Variants in TMEM244 observed in about 807,000 individuals in gnomAD.
The protein encoded by TMEM244 is transmembrane protein 244.
Under a neutral mutation model 15.8 loss-of-function variants are expected in TMEM244, and 13 were observed. That is an observed-to-expected ratio of 0.82 (90% CI 0.53 to 1.30). The LOEUF is 1.30. Among genes scored for constraint, TMEM244 ranks in the 50% most tolerant of loss-of-function variants. TMEM244 has a pLI of 0.00. For synonymous variants in TMEM244, 45 were observed against 48.7 expected (o/e 0.92, Z 0.32); for missense variants, 161 against 144.9 (o/e 1.11, Z -0.57).
intron 1 of TMEM244, among the ~76,000 whole-genome samples, chr6:129,852,299 A>G (rs1472512326): frequency 2.6e-5 from 4 of 152,110 alleles, no homozygotes; most frequent in Non-Finnish European, 5.9e-5. Context: ...TGATTAATAC[A>G]ATTTTGAGGA....
chr6:129,851,949 T>C (rs1301489567), intron 1 of TMEM244, among the ~76,000 whole-genome samples: 1 of 152,228 alleles, frequency 6.6e-6, no homozygotes, highest in East Asian at 1.9e-4. Flanking sequence ...TGACTGGATA[T>C]TTAATAATGT....
chr6:129,856,384 A>G (rs779659975), intron 1 of TMEM244, among the ~76,000 whole-genome samples: 6 of 152,176 alleles, frequency 3.9e-5, no homozygotes, highest in Non-Finnish European at 7.4e-5. Context: ...TGTTTTAATT[A>G]TAGAAGCTTT....
intron 2 of TMEM244, among the ~76,000 whole-genome samples, chr6:129,844,257 G>A (rs1776532437): frequency 6.6e-6 from 1 of 152,152 alleles, no homozygotes; most frequent in Non-Finnish European, 1.5e-5. Flanking sequence ...GTCCAATTAA[G>A]TTCCACTTTG....
At chr6:129,843,494 C>G in intron 3 of TMEM244, 36 bp downstream of exon 3, 1 of 1,447,450 alleles carries the variant, frequency 6.9e-7, no homozygotes, top group Non-Finnish European at 9.6e-7. Context: ...GCATTTAGTT[C>G]ACTAATTGAT....
Position 129,831,273 on chromosome 6 carries a change from T to A in TMEM244, c.*46A>T. 9.4e-7 allele frequency: 1 copy of A among 1,064,936 alleles called. No individual in the cohort carries two copies. The highest frequency in any genetic ancestry group is 1.4e-6 in the Non-Finnish European group (1 of 698,150). 66.0% of individuals were successfully genotyped at this position (1,064,936 alleles called of 1,614,324 possible). A position where few individuals can be genotyped will look rare whatever the true frequency, so the allele number is the denominator to read the frequency against. ...AAAATCTATGAGAAAATAAAATATATTTCCACAGTTATTCTATTTAACATT... is the reference window on the plus strand; with the variant it reads ...AAAATCTATGAGAAAATAAAATATAATTCCACAGTTATTCTATTTAACATT... On this transcript the variant is annotated 3_prime_UTR_variant, in exon 5 of 5. Coordinates refer to ENST00000368143, the MANE Select transcript of TMEM244 (RefSeq NM_001010876.2).
chr6:129,856,688 GTC>G (rs1776717806), intron 1 of TMEM244, among the ~76,000 whole-genome samples: 1 of 151,952 alleles, frequency 6.6e-6, no homozygotes, highest in African/African-American at 2.4e-5. Flanking sequence ...AGTAAGGCTA[GTC>G]ATCTCTCCTT....
chr6:129,836,410 TG>T, intron 3 of TMEM244, among the ~76,000 whole-genome samples: 1 of 152,290 alleles, frequency 6.6e-6, no homozygotes, highest in African/African-American at 2.4e-5. Flanking sequence ...AAACCCCATC[TG>T]TAGGTCACCA....
intron 1 of TMEM244, among the ~76,000 whole-genome samples, chr6:129,852,047 T>C (rs770873325): frequency 4.6e-5 from 7 of 152,294 alleles, no homozygotes; most frequent in South Asian, 2.1e-4. Context: ...TAAGGACATA[T>C]TTGCAGTTGA....
chr6:129,845,480 C>A (rs1776548074), intron 2 of TMEM244, among the ~76,000 whole-genome samples: 1 of 152,086 alleles, frequency 6.6e-6, no homozygotes, highest in South Asian at 2.1e-4. Flanking sequence ...CCTATTTTTA[C>A]TTAAATAATG....
intron 1 of TMEM244, among the ~76,000 whole-genome samples, chr6:129,850,284 T>C (rs991033496): frequency 5.3e-5 from 8 of 152,180 alleles, no homozygotes. Context: ...GGGAAATTTA[T>C]GCCTTAATGA....
At chr6:129,835,939 T>C (rs1437187360) in intron 3 of TMEM244, among the ~76,000 whole-genome samples, 3 of 152,068 alleles carry the variant, frequency 2.0e-5, no homozygotes, top group African/African-American at 7.2e-5. Context: ...ACACCACAGC[T>C]CAGCAAGGCC....
chr6:129,834,523 C>A (rs1173278199), intron 3 of TMEM244, among the ~76,000 whole-genome samples: 1 of 152,054 alleles, frequency 6.6e-6, no homozygotes, highest in Non-Finnish European at 1.5e-5. Context: ...AAATAATCAC[C>A]TTATGTCCTA....
At chr6:129,847,396 A>G (rs1776575129) in intron 1 of TMEM244, among the ~76,000 whole-genome samples, 1 of 152,180 alleles carries the variant, frequency 6.6e-6, no homozygotes. Flanking sequence ...CACCAAACTG[A>G]CCACATATTT....
chr6:129,857,525 A>AT (rs1242422994), intron 1 of TMEM244, among the ~76,000 whole-genome samples: 2 of 151,664 alleles, frequency 1.3e-5, no homozygotes, highest in Admixed American at 6.6e-5. Context: ...CGCCTGGCTA[A>AT]TTTTTTGTAT....
At chr6:129,833,251 G>C (rs909676455) in intron 4 of TMEM244, among the ~76,000 whole-genome samples, 3 of 151,872 alleles carry the variant, frequency 2.0e-5, no homozygotes, top group African/African-American at 7.3e-5. Context: ...AAAATAAAAC[G>C]CTTTTAAAAA....
intron 3 of TMEM244, among the ~76,000 whole-genome samples, chr6:129,841,301 T>C (rs1000475266): frequency 6.6e-6 from 1 of 151,942 alleles, no homozygotes; most frequent in Admixed American, 6.6e-5. Flanking sequence ...GAAACCATTA[T>C]TCTAAGCAAA....
At chr6:129,837,773 T>G (rs1252127305) in intron 3 of TMEM244, among the ~76,000 whole-genome samples, 2 of 152,146 alleles carry the variant, frequency 1.3e-5, no homozygotes, top group Non-Finnish European at 2.9e-5. Flanking sequence ...GTTACAATCT[T>G]AGTCTCTGAT....
chr6:129,846,597 A>G (rs1262765909), intron 1 of TMEM244, among the ~76,000 whole-genome samples: 1 of 152,164 alleles, frequency 6.6e-6, no homozygotes, highest in African/African-American at 2.4e-5. Flanking sequence ...AACTTCCTAA[A>G]TGCCAATATT....
chr6:129,858,179 T>C (rs1776745845), intron 1 of TMEM244, among the ~76,000 whole-genome samples: 1 of 152,192 alleles, frequency 6.6e-6, no homozygotes, highest in African/African-American at 2.4e-5. Context: ...ATCTATAGTT[T>C]ATTTTTTGTA....
Sources: allele counts gnomAD v4.1 joint callset (sites outside exome capture counted in the v4.1 genomes callset), GRCh38; gene constraint gnomAD v4.1.1; transcripts MANE v1.5; gene names NCBI Gene and HGNC (gene_info 2026-07-23, HGNC 2026-07-21).